The following NOX4 variants were observed in gnomAD, a reference collection of about 807,000 sequenced individuals.
NOX4 encodes the protein kidney oxidase-1.
NOX4 carries 69 observed loss-of-function variants against 87.6 expected under a neutral mutation model. That is an observed-to-expected ratio of 0.79 (90% CI 0.65 to 0.96). The LOEUF (loss-of-function observed/expected upper bound fraction) is 0.96. Ranked by LOEUF, NOX4 falls within the 40% of genes least tolerant of loss-of-function variation. The pLI, the probability that NOX4 is intolerant of heterozygous loss-of-function variation, is 0.00. For synonymous variants in NOX4, 275 were observed against 238.2 expected, an observed-to-expected ratio of 1.15 and a Z score of -1.42; for missense variants, 680 against 681.5, an observed-to-expected ratio of 1.00 and a Z score of 0.02.
chr11:89,374,130 A>C (rs1939662122), intron 11 of NOX4, among the ~76,000 whole-genome samples: 1 of 152,102 alleles, frequency 6.6e-6, no homozygotes, highest in African/African-American at 2.4e-5. Context: ...GAAAGAACAA[A>C]ATTTAGTTTA....
chr11:89,424,080 T>A (rs192402345), intron 7 of NOX4, among the ~76,000 whole-genome samples: 104 of 151,598 alleles, frequency 6.9e-4, no homozygotes, highest in African/African-American at 2.3e-3. Context: ...CTCAAAAAAA[T>A]ATATATATAA....
the NOX4 span, among the ~76,000 whole-genome samples, chr11:89,571,223 TA>T: frequency 7.4e-4 from 112 of 152,372 alleles, no homozygotes; most frequent in Admixed American, 2.8e-3. Context: ...GCAGCATTTT[TA>T]CTCTCTTGAT....
chr11:89,337,898 A>C lies in NOX4; in HGVS notation c.1447-383T>G, dbSNP rs575456979. ...ATCAAGAACATGATTTTCTTGAGAAAAAAAGACAATAGTGATTTAATTTAT... is the reference window on the plus strand; with the variant it reads ...ATCAAGAACATGATTTTCTTGAGAACAAAAGACAATAGTGATTTAATTTAT... On this transcript the variant is annotated intron_variant, in intron 15 of 17. Transcript: ENST00000263317. 3.3e-5 allele frequency among the ~76,000 whole-genome samples: 5 copies of C among 152,194 alleles called. No individual in the cohort carries two copies. The South Asian group carries it at 1.0e-3, about 32-fold the overall frequency.
the NOX4 span, among the ~76,000 whole-genome samples, chr11:89,589,075 G>C: frequency 3.9e-5 from 6 of 152,116 alleles, no homozygotes; most frequent in African/African-American, 1.4e-4. Flanking sequence ...ACAGAAATTA[G>C]GAGAAACTGT....
intron 11 of NOX4, among the ~76,000 whole-genome samples, 168 bp from the exon 12 acceptor site, chr11:89,373,660 G>A (rs763653382): frequency 1.3e-4 from 20 of 151,874 alleles, no homozygotes; most frequent in Non-Finnish European, 2.7e-4. Flanking sequence ...AAAAATCAAT[G>A]TCAACAGGTC....
exon 1 of NOX4, chr11:89,498,176 A>G (rs1169857795): frequency 6.6e-6 from 1 of 152,188 alleles, no homozygotes; most frequent in African/African-American, 2.4e-5. Flanking sequence ...TTCTCCAACT[A>G]GACTAGAAGT....
At chr11:89,438,368 TATATATA>T (rs368491577) in intron 6 of NOX4, among the ~76,000 whole-genome samples, 8,803 of 112,858 alleles carry the variant, frequency 0.078, 461 homozygotes, top group South Asian at 0.2. Flanking sequence ...TATTATATAA[TATATATA>T]ATATATAATA....
At chr11:89,391,775 TA>T (rs1941145936) in intron 11 of NOX4, among the ~76,000 whole-genome samples, 1 of 150,720 alleles carries the variant, frequency 6.6e-6, no homozygotes, top group Non-Finnish European at 1.5e-5. Context: ...GAAAAAAAAT[TA>T]ATGAGATTAT....
chr11:89,512,924 C>G, the NOX4 span, among the ~76,000 whole-genome samples: 1 of 152,074 alleles, frequency 6.6e-6, no homozygotes, highest in Non-Finnish European at 1.5e-5. Context: ...TAGCATCTAG[C>G]AGAGTTCTGA....
chr11:89,401,492 G>A (rs1237768188), intron 9 of NOX4, among the ~76,000 whole-genome samples: 2 of 151,996 alleles, frequency 1.3e-5, no homozygotes, highest in African/African-American at 4.8e-5. Context: ...ATTCATTCTA[G>A]CTTTTGACTT....
At chr11:89,491,606 C>T (rs893282072), upstream of NOX4, 36 of 272,544 alleles carry the variant, frequency 1.3e-4, no homozygotes, top group African/African-American at 3.6e-4. Flanking sequence ...CAGGATGTCC[C>T]GGGTGGGAAC....
chr11:89,553,771 C>T, the NOX4 span, among the ~76,000 whole-genome samples: 26 of 151,882 alleles, frequency 1.7e-4, no homozygotes, highest in Non-Finnish European at 2.6e-4. Flanking sequence ...AACTAGTCTT[C>T]GAGTAAGAGG....
At chr11:89,565,442 T>C in the NOX4 span, among the ~76,000 whole-genome samples, 2 of 152,198 alleles carry the variant, frequency 1.3e-5, no homozygotes, top group Non-Finnish European at 2.9e-5. Context: ...TTGCAGCTAA[T>C]GAGCATTTTA....
At chr11:89,458,453 T>A (rs1164865701) in intron 2 of NOX4, among the ~76,000 whole-genome samples, 2 of 151,988 alleles carry the variant, frequency 1.3e-5, no homozygotes, top group African/African-American at 4.8e-5. Flanking sequence ...AAACCAAAAA[T>A]GGACAAATAA....
At chr11:89,372,839 C>G (rs757421496) in intron 12 of NOX4, among the ~76,000 whole-genome samples, 1 of 151,820 alleles carries the variant, frequency 6.6e-6, no homozygotes, top group South Asian at 2.1e-4. Context: ...GTTACTCTGG[C>G]GGGTCAAGGA....
intron 13 of NOX4, among the ~76,000 whole-genome samples, chr11:89,348,892 A>G (rs1946329667): frequency 6.6e-6 from 1 of 152,216 alleles, no homozygotes; most frequent in South Asian, 2.1e-4. Context: ...TTAGGGAAAC[A>G]GTACTACCTA....
intron 12 of NOX4, among the ~76,000 whole-genome samples, chr11:89,363,976 T>C (rs1255327308): frequency 1.3e-5 from 2 of 152,018 alleles, no homozygotes; most frequent in East Asian, 1.9e-4. Flanking sequence ...ATTAAAGATA[T>C]AGGCAGGCCA....
At chr11:89,339,175 T>C (rs138912585) in intron 15 of NOX4, among the ~76,000 whole-genome samples, 11,030 of 152,164 alleles carry the variant, frequency 0.072, 527 homozygotes, top group Admixed American at 0.14. Flanking sequence ...AATAAAAAAG[T>C]ATCTAACATT....
At chr11:89,582,410 A>G in the NOX4 span, among the ~76,000 whole-genome samples, 1 of 152,014 alleles carries the variant, frequency 6.6e-6, no homozygotes, top group African/African-American at 2.4e-5. Context: ...CAGAAGTGGG[A>G]TTGTTGGATC....
Sources: allele counts gnomAD v4.1 joint callset (sites outside exome capture counted in the v4.1 genomes callset), GRCh38; gene constraint gnomAD v4.1.1; transcripts MANE v1.5; gene names NCBI Gene and HGNC (gene_info 2026-07-23, HGNC 2026-07-21).